The following DACH2 variants were observed in gnomAD, a reference collection of about 807,000 sequenced individuals.
DACH2 encodes dachshund homolog 2.
Under a neutral mutation model 35.8 loss-of-function variants are expected in DACH2, and 17 were observed. The observed-to-expected ratio is 0.48, with a 90% CI of 0.33 to 0.71. The LOEUF is 0.71. Ranked by LOEUF, DACH2 falls within the 30% of genes least tolerant of loss-of-function variation. The pLI, the probability that DACH2 is intolerant of heterozygous loss-of-function variation, is 0.02. For synonymous variants in DACH2, 195 were observed against 177.3 expected (o/e 1.10, Z -0.79); for missense variants, 469 against 472.7 (o/e 0.99, Z 0.07).
In DACH2 at chrX:86,704,935, GAT is replaced by G. The variant is rs200212272; in HGVS notation, c.932-9611_932-9610del. 2.3e-3 allele frequency among the ~76,000 whole-genome samples: 241 copies of G among 106,311 alleles called. 3 individuals are homozygous for G. The East Asian group carries it at 0.023, about 10-fold the overall frequency. 92.3% of individuals were successfully genotyped at this position (106,311 alleles called of 115,157 possible). On this transcript the variant is annotated intron_variant, in intron 5 of 11. Coordinates refer to ENST00000373125, the MANE Select transcript of DACH2 (RefSeq NM_053281.3). ...GGAAAAGAAGTCATTATACAAAAAA[GAT>G]AAATGCACATTTATAGCAGCACAAT... is the stretch of plus-strand genomic sequence containing the variant.
At chrX:86,721,707 A>T (rs1042974389) in intron 6 of DACH2, among the ~76,000 whole-genome samples, 35 of 111,469 alleles carry the variant, frequency 3.1e-4, no homozygotes, top group African/African-American at 1.1e-3. Context: ...ACAATTTACT[A>T]TATTAGCTCA....
intron 7 of DACH2, among the ~76,000 whole-genome samples, chrX:86,797,062 G>A (rs951028673): frequency 2.7e-5 from 3 of 111,145 alleles, no homozygotes; most frequent in South Asian, 3.7e-4. Context: ...ACATTTTATT[G>A]TACTGTACTC....
chrX:86,182,708 G>A (rs1373492699), intron 1 of DACH2, among the ~76,000 whole-genome samples: 1 of 111,746 alleles, frequency 8.9e-6, no homozygotes, highest in Non-Finnish European at 1.9e-5. Flanking sequence ...TCCTAATTCT[G>A]TGAAGAAAGT....
chrX:86,538,289 A>T (rs1360644064), intron 3 of DACH2, among the ~76,000 whole-genome samples: 9 of 111,258 alleles, frequency 8.1e-5, no homozygotes, highest in African/African-American at 2.9e-4. Flanking sequence ...ATTTTCTACA[A>T]TTCTTTTCTT....
chrX:86,721,448 A>T (rs1197221565), intron 6 of DACH2, among the ~76,000 whole-genome samples: 15 of 111,722 alleles, frequency 1.3e-4, no homozygotes. Flanking sequence ...AGTCACCTTT[A>T]TTCACGTTCC....
intron 2 of DACH2, among the ~76,000 whole-genome samples, chrX:86,458,974 A>G (rs2037521782): frequency 9.0e-6 from 1 of 111,234 alleles, no homozygotes; most frequent in Non-Finnish European, 1.9e-5. Flanking sequence ...CCCATGTAAC[A>G]AAACTGCACG....
At chrX:86,562,453 T>G (rs763645417) in intron 3 of DACH2, among the ~76,000 whole-genome samples, 22 of 110,762 alleles carry the variant, frequency 2.0e-4, no homozygotes, top group Non-Finnish European at 3.8e-4. Flanking sequence ...TTTGGAGGAG[T>G]GAAGAGCTTT....
intron 5 of DACH2, among the ~76,000 whole-genome samples, chrX:86,701,371 A>G (rs988843617): frequency 9.0e-6 from 1 of 111,697 alleles, no homozygotes; most frequent in Non-Finnish European, 1.9e-5. Flanking sequence ...CAAAATAATA[A>G]GAGCCATCTC....
At chrX:86,528,413 G>GA (rs896918082) in intron 3 of DACH2, among the ~76,000 whole-genome samples, 32 of 110,662 alleles carry the variant, frequency 2.9e-4, no homozygotes, top group Admixed American at 9.6e-4. Context: ...AGGGCATTGT[G>GA]AAAAAAAAGC....
intron 2 of DACH2, among the ~76,000 whole-genome samples, chrX:86,380,548 G>C (rs894364661): frequency 1.7e-4 from 19 of 110,293 alleles, no homozygotes; most frequent in African/African-American, 5.9e-4. Context: ...AAAAAAATAA[G>C]GAAAGAGCAG....
In DACH2 at chrX:86,315,674, G is replaced by C. The variant is rs147473459; in HGVS notation, c.489-61150G>C. Among the ~76,000 whole-genome samples the C allele has an allele frequency of 6.3e-5, 7 of 110,367 alleles. No individual in the cohort carries two copies. In the Admixed American group the frequency reaches 6.8e-4, roughly 11 times the overall value. ...GATTCCAGCCCTCAGGGATGACTGA[G>C]GTATTCAAAAGACTTCATTGGAAGA... On this transcript the variant is annotated intron_variant, in intron 1 of 11. Transcript: ENST00000373125.
chrX:86,760,502 A>G (rs1054867705), intron 7 of DACH2, among the ~76,000 whole-genome samples: 2 of 111,130 alleles, frequency 1.8e-5, no homozygotes, highest in Admixed American at 1.9e-4. Context: ...AAACTTTCAG[A>G]TGTGTTTTCT....
chrX:86,601,601 G>A (rs746738543), intron 3 of DACH2, among the ~76,000 whole-genome samples: 1 of 112,165 alleles, frequency 8.9e-6, no homozygotes, highest in Non-Finnish European at 1.9e-5. Context: ...ATATTGTACA[G>A]TACAGTTCTA....
chrX:86,492,392 C>T (rs1262270428), intron 2 of DACH2, among the ~76,000 whole-genome samples: 2 of 111,775 alleles, frequency 1.8e-5, no homozygotes, highest in African/African-American at 6.5e-5. Flanking sequence ...TATTTCCCTT[C>T]TTGCCTCAGT....
chrX:86,674,529 A>G (rs937848733), intron 4 of DACH2, among the ~76,000 whole-genome samples: 1 of 112,493 alleles, frequency 8.9e-6, no homozygotes, highest in Admixed American at 9.5e-5. Flanking sequence ...AAAGAGCAGA[A>G]TAGAATCATA....
At chrX:86,663,215 A>G (rs1469955073) in intron 4 of DACH2, among the ~76,000 whole-genome samples, 1 of 111,701 alleles carries the variant, frequency 9.0e-6, no homozygotes, top group Non-Finnish European at 1.9e-5. Flanking sequence ...CTGCTGTATG[A>G]GAGTTTTGGT....
chrX:86,281,149 C>A (rs1376312756), intron 1 of DACH2, among the ~76,000 whole-genome samples: 1 of 111,452 alleles, frequency 9.0e-6, no homozygotes, highest in Admixed American at 9.6e-5. Context: ...AATATACATT[C>A]TTCTCAGCAC....
intron 2 of DACH2, among the ~76,000 whole-genome samples, chrX:86,442,670 T>C (rs2037189534): frequency 9.0e-6 from 1 of 110,750 alleles, no homozygotes; most frequent in South Asian, 3.8e-4. Context: ...TCTGGGAGTT[T>C]TTTTCATTTC....
At position 86,260,017 on chromosome X, in the gene DACH2, G is replaced by A. The variant is rs756643831; in HGVS notation, c.488+110909G>A. Among the ~76,000 whole-genome samples the A allele has an allele frequency of 6.3e-5, 7 of 110,584 alleles. No homozygotes were observed. In the East Asian group the frequency reaches 1.1e-3, roughly 18 times the overall value. ...AATAGGCTATGTTATGTAATGAAAC[G>A]AAAACCTCTCAAGTTTGTAGTGGAC... On this transcript the variant is annotated intron_variant, in intron 1 of 11. Coordinates refer to ENST00000373125, the MANE Select transcript of DACH2 (RefSeq NM_053281.3).
Sources: gnomAD v4.1 joint callset for allele counts (sites outside exome capture counted in the v4.1 genomes callset) on GRCh38, gnomAD v4.1.1 for gene constraint, MANE v1.5 for transcripts, NCBI Gene and HGNC (gene_info 2026-07-23, HGNC 2026-07-21) for gene names.